C12orf42: variants seen among roughly 807,000 people sequenced by gnomAD.
The protein encoded by C12orf42 is uncharacterized protein C12orf42.
Under a neutral mutation model 21.6 loss-of-function variants are expected in C12orf42, and 25 were observed. The observed-to-expected ratio is 1.16, with a 90% confidence interval of 0.84 to 1.62. The LOEUF is 1.62. Among genes scored for constraint, C12orf42 ranks in the 40% most tolerant of loss-of-function variants. The probability of loss-of-function intolerance (pLI) is 0.00; values close to 1 mark genes in which losing one functional copy is unlikely to be tolerated. For missense variants in C12orf42, 483 were observed against 459.3 expected (o/e 1.05, Z -0.47); for synonymous variants, 174 against 175.0 (o/e 0.99, Z 0.05).
the C12orf42 span, among the ~76,000 whole-genome samples, chr12:103,109,144 A>T: frequency 2.0e-5 from 3 of 152,214 alleles, no homozygotes; most frequent in Admixed American, 2.0e-4. Flanking sequence ...ATCAACAAAA[A>T]TTTGAAGAAG....
In C12orf42 at chr12:103,337,346, TTTTG is replaced by T. The variant is rs143883863; in HGVS notation, c.260-31005_260-31002del. Among the ~76,000 whole-genome samples the T allele has an allele frequency of 7.3e-3, 1,109 of 152,064 alleles. 13 individuals are homozygous for T. Among genetic ancestry groups the T allele is most frequent in the African/African-American group, 0.025 (1,037 of 41,488 alleles). ...ACAGAAAACCTGTGGGGCAAGGTTT[TTTTG>T]TTTGTTTGTTTGTTTGTTTTTGATG... On this transcript the variant is annotated intron_variant, in intron 4 of 5. Coordinates refer to ENST00000548883, the MANE Select transcript of C12orf42 (RefSeq NM_198521.5).
At chr12:103,466,323 CA>C (rs1340092963) in intron 2 of C12orf42, among the ~76,000 whole-genome samples, 1 of 152,004 alleles carries the variant, frequency 6.6e-6, no homozygotes, top group African/African-American at 2.4e-5. Context: ...TGTCTTCTTA[CA>C]GTAATTCAAT....
At chr12:103,191,743 TAA>T in the C12orf42 span, among the ~76,000 whole-genome samples, 11,373 of 122,054 alleles carry the variant, frequency 0.093, 579 homozygotes, top group East Asian at 0.28. Context: ...ACTCTGTGTC[TAA>T]AAAAAAAAAA....
chr12:103,374,365 G>A (rs2045516882), intron 3 of C12orf42, among the ~76,000 whole-genome samples: 1 of 152,106 alleles, frequency 6.6e-6, no homozygotes, highest in South Asian at 2.1e-4. Context: ...GATATAATGG[G>A]ATATTTTGAG....
chr12:103,099,827 G>C, the C12orf42 span, among the ~76,000 whole-genome samples: 1 of 151,410 alleles, frequency 6.6e-6, no homozygotes, highest in Non-Finnish European at 1.5e-5. Flanking sequence ...ACGTTTTATA[G>C]ACAACTTTCA....
chr12:103,074,263 C>T, the C12orf42 span, among the ~76,000 whole-genome samples: 393 of 152,246 alleles, frequency 2.6e-3, 1 homozygote, highest in Non-Finnish European at 4.4e-3. Flanking sequence ...TCAAGTGTCA[C>T]AACATTCATT....
At chr12:103,516,596 A>G in the C12orf42 span, among the ~76,000 whole-genome samples, 1 of 152,134 alleles carries the variant, frequency 6.6e-6, no homozygotes, top group Non-Finnish European at 1.5e-5. Context: ...AGGGGAAACT[A>G]CCACTTATAA....
At chr12:103,123,018 C>G in the C12orf42 span, among the ~76,000 whole-genome samples, 1 of 152,134 alleles carries the variant, frequency 6.6e-6, no homozygotes, top group Non-Finnish European at 1.5e-5. Context: ...TTGGATCAGG[C>G]TGTTGGTAGT....
chr12:103,333,757 AT>A (rs2041451534), intron 4 of C12orf42, among the ~76,000 whole-genome samples: 1 of 152,190 alleles, frequency 6.6e-6, no homozygotes, highest in South Asian at 2.1e-4. Context: ...TTGGCCTGTA[AT>A]TCTTCAATCA....
intron 2 of C12orf42, among the ~76,000 whole-genome samples, chr12:103,414,287 T>C (rs2049109974): frequency 6.6e-6 from 1 of 152,200 alleles, no homozygotes; most frequent in African/African-American, 2.4e-5. Context: ...TATCTTCTTC[T>C]GAGAACTGTC....
downstream of C12orf42, chr12:103,267,638 T>C (rs1411584240): frequency 2.6e-5 from 4 of 152,190 alleles, no homozygotes; most frequent in African/African-American, 4.8e-5. Flanking sequence ...TCTTACTTGA[T>C]ACCCAGAACA....
At chr12:103,297,997 C>T (rs918891136), downstream of C12orf42, among the ~76,000 whole-genome samples, 12 of 151,636 alleles carry the variant, frequency 7.9e-5, no homozygotes, top group African/African-American at 2.9e-4. Flanking sequence ...CAGCCAATAT[C>T]ATACTGAATG....
chr12:103,257,131 T>G (rs1049732853), intron 10 of C12orf42, among the ~76,000 whole-genome samples: 1 of 152,152 alleles, frequency 6.6e-6, no homozygotes, highest in Non-Finnish European at 1.5e-5. Flanking sequence ...TATTCTCACT[T>G]AAAAGTGGAA....
chr12:103,339,548 T>A (rs898321066), intron 4 of C12orf42, among the ~76,000 whole-genome samples: 1 of 152,220 alleles, frequency 6.6e-6, no homozygotes. Flanking sequence ...AACAGATACT[T>A]TTTAAAATAA....
chr12:103,433,794 C>A (rs149213076), intron 2 of C12orf42, among the ~76,000 whole-genome samples: 1 of 152,230 alleles, frequency 6.6e-6, no homozygotes, highest in Non-Finnish European at 1.5e-5. Flanking sequence ...TTGAGACAAT[C>A]TTGGAAACAG....
At chr12:103,333,264 A>G (rs2041402254) in intron 4 of C12orf42, among the ~76,000 whole-genome samples, 1 of 152,200 alleles carries the variant, frequency 6.6e-6, no homozygotes, top group South Asian at 2.1e-4. Flanking sequence ...TCTGACTTTG[A>G]GCAAGTTAGT....
At chr12:103,462,991 G>C (rs187044043) in intron 2 of C12orf42, among the ~76,000 whole-genome samples, 2 of 152,276 alleles carry the variant, frequency 1.3e-5, no homozygotes, top group African/African-American at 4.8e-5. Flanking sequence ...TCAGCAAAAC[G>C]CTTAAGTTAT....
At chr12:103,550,851 A>T in the C12orf42 span, among the ~76,000 whole-genome samples, 1 of 152,034 alleles carries the variant, frequency 6.6e-6, no homozygotes. Flanking sequence ...TGTCTTATTA[A>T]TTTACACATT....
At chr12:103,303,366 TC>T (rs1193145083) in intron 5 of C12orf42, among the ~76,000 whole-genome samples, 1 of 152,000 alleles carries the variant, frequency 6.6e-6, no homozygotes, top group Non-Finnish European at 1.5e-5. Flanking sequence ...CATATATAAA[TC>T]ATGAAGATTT....
Sources: gnomAD v4.1 joint callset for allele counts (sites outside exome capture counted in the v4.1 genomes callset) on GRCh38, gnomAD v4.1.1 for gene constraint, MANE v1.5 for transcripts, NCBI Gene and HGNC (gene_info 2026-07-23, HGNC 2026-07-21) for gene names.